Variants in TSPAN18 observed in about 807,000 individuals in gnomAD.
TSPAN18 encodes tetraspanin-18.
A neutral mutation model predicts 27.3 loss-of-function variants in TSPAN18; 14 were observed. The observed-to-expected ratio is 0.51, with a 90% CI of 0.34 to 0.80. The LOEUF (loss-of-function observed/expected upper bound fraction) is 0.80. Ranked by LOEUF, TSPAN18 falls within the 30% of genes least tolerant of loss-of-function variation. The pLI is 0.01. For missense variants in TSPAN18, 268 were observed against 323.9 expected (o/e 0.83, Z 1.32); for synonymous variants, 143 against 136.5 (o/e 1.05, Z -0.33).
intron 9 of TSPAN18, among the ~76,000 whole-genome samples, chr11:44,927,185 C>T (rs1860391976): frequency 6.6e-6 from 1 of 152,242 alleles, no homozygotes; most frequent in Admixed American, 6.5e-5. Flanking sequence ...TATTCATCCA[C>T]AACGGTGGCC....
At chr11:44,790,588 G>A (rs566248029) in intron 2 of TSPAN18, among the ~76,000 whole-genome samples, 1 of 150,788 alleles carries the variant, frequency 6.6e-6, no homozygotes, top group Non-Finnish European at 1.5e-5. Flanking sequence ...GTGTGTGCAT[G>A]TGTTCGTGTG....
chr11:44,847,549 G>A (rs981974380), intron 2 of TSPAN18, among the ~76,000 whole-genome samples: 7 of 152,144 alleles, frequency 4.6e-5, no homozygotes, highest in African/African-American at 1.7e-4. Context: ...CCATTCATCT[G>A]TTGATGGGCC....
At chr11:44,777,096 G>A (rs569642099) in intron 2 of TSPAN18, among the ~76,000 whole-genome samples, 6 of 152,332 alleles carry the variant, frequency 3.9e-5, no homozygotes, top group Non-Finnish European at 7.4e-5. Context: ...GGACCTAGAT[G>A]GGAGACTTCT....
chr11:44,908,446 G>A (rs1859537226), intron 4 of TSPAN18, among the ~76,000 whole-genome samples: 1 of 152,070 alleles, frequency 6.6e-6, no homozygotes, highest in Non-Finnish European at 1.5e-5. Context: ...CAAGAAAAAT[G>A]GAATAGGCTG....
At position 44,807,222 on chromosome 11, in the gene TSPAN18, AAAAAAAAAAAAAAAG is replaced by A. The variant is rs1565158400; in HGVS notation, c.-153+42713_-153+42727del. On this transcript the variant is annotated intron_variant, in intron 2 of 9. Transcript: ENST00000520358. ...AAAAAAAAAAAAAAAAAAAAAAAAA[AAAAAAAAAAAAAAAG>A]AAGGAAAGAGGCCAGGCACCGTGGC... 1.4e-3 allele frequency among the ~76,000 whole-genome samples: 29 copies of A among 21,410 alleles called. 2 individuals are homozygous for A. Among genetic ancestry groups the A allele is most frequent in the Admixed American group, 3.6e-3 (4 of 1,104 alleles). 14.0% of individuals were successfully genotyped at this position (21,410 alleles called of 152,430 possible).
intron 3 of TSPAN18, among the ~76,000 whole-genome samples, chr11:44,901,609 A>G (rs1227830466): frequency 6.6e-6 from 1 of 152,230 alleles, no homozygotes; most frequent in Admixed American, 6.5e-5. Flanking sequence ...CATTTGACAC[A>G]AGAAGGCACT....
chr11:44,765,445 G>A (rs1396113374), intron 2 of TSPAN18, among the ~76,000 whole-genome samples: 1 of 152,178 alleles, frequency 6.6e-6, no homozygotes, highest in Admixed American at 6.5e-5. Flanking sequence ...AGGAACCTTG[G>A]TTTGAGTCCC....
At chr11:44,811,267 T>C (rs941457669) in intron 2 of TSPAN18, among the ~76,000 whole-genome samples, 1 of 152,144 alleles carries the variant, frequency 6.6e-6, no homozygotes, top group Non-Finnish European at 1.5e-5. Context: ...TTTATTCACA[T>C]AATCTGATGT....
chr11:44,823,610 A>G (rs12224607), intron 2 of TSPAN18, among the ~76,000 whole-genome samples: 75,059 of 151,908 alleles, frequency 0.49, 19,377 homozygotes, highest in East Asian at 0.86. Flanking sequence ...AGGAAAGCAC[A>G]CCAGACTGGA....
intron 2 of TSPAN18, among the ~76,000 whole-genome samples, chr11:44,844,632 C>T (rs1857443006): frequency 6.6e-6 from 1 of 152,136 alleles, no homozygotes; most frequent in Admixed American, 6.5e-5. Context: ...TGGATTGCTT[C>T]TTTTGGAAAG....
intron 3 of TSPAN18, among the ~76,000 whole-genome samples, chr11:44,905,662 G>A (rs987215733): frequency 2.0e-5 from 3 of 152,226 alleles, no homozygotes; most frequent in African/African-American, 7.2e-5. Context: ...GGCTGTGCCT[G>A]GCAAGCAGCG....
chr11:44,907,025 T>C (rs112608477), intron 4 of TSPAN18, among the ~76,000 whole-genome samples: 2 of 152,234 alleles, frequency 1.3e-5, no homozygotes, highest in African/African-American at 4.8e-5. Context: ...TTAATGACCT[T>C]CCTCAACAGG....
At chr11:44,893,485 A>G (rs1858926827) in intron 3 of TSPAN18, among the ~76,000 whole-genome samples, 1 of 152,196 alleles carries the variant, frequency 6.6e-6, no homozygotes, top group Admixed American at 6.5e-5. Flanking sequence ...CTGTCTTGGG[A>G]TGAGGCCCAG....
intron 1 of TSPAN18, among the ~76,000 whole-genome samples, chr11:44,761,847 G>A (rs928175304): frequency 7.9e-5 from 12 of 152,196 alleles, no homozygotes; most frequent in African/African-American, 1.2e-4. Flanking sequence ...AGGTAGGCCC[G>A]AGTTCCTCTG....
chr11:44,882,623 CACACAG>C lies in TSPAN18; in HGVS notation c.-11+22156_-11+22161del, dbSNP rs1258670746. Among the ~76,000 whole-genome samples, 168 of 128,150 alleles carry C rather than the reference CACACAG, an allele frequency of 1.3e-3. 1 individual carries two copies. Among genetic ancestry groups the C allele is most frequent in the African/African-American group, 4.4e-3 (158 of 35,676 alleles). The allele number at this position is 128,150 out of a possible 152,430, so 84.1% of individuals were successfully genotyped here. On this transcript the variant is annotated intron_variant, in intron 3 of 9. Coordinates refer to ENST00000520358, the MANE Select transcript of TSPAN18 (RefSeq NM_130783.5). ...ACACACACACACACACACACACACA[CACACAG>C]AGAGAGAGCATGTGCGTGCATGTAT...
chr11:44,908,830 A>AGAAG (rs6144332), intron 4 of TSPAN18, among the ~76,000 whole-genome samples: 1 of 127,084 alleles, frequency 7.9e-6, no homozygotes, highest in Non-Finnish European at 1.7e-5. Flanking sequence ...AAAGAAAGAA[A>AGAAG]AAGAAAAATG....
chr11:44,758,546 A>C (rs908661796), intron 1 of TSPAN18, among the ~76,000 whole-genome samples: 1 of 152,208 alleles, frequency 6.6e-6, no homozygotes, highest in Non-Finnish European at 1.5e-5. Context: ...TTTTGGTATA[A>C]GAGTAATGCT....
chr11:44,726,375 G>A (rs4755878), upstream of TSPAN18: 8,185 of 152,464 alleles, frequency 0.054, 521 homozygotes, highest in African/African-American at 0.16. Context: ...AAGAACCTCA[G>A]CCCTGAGGCC....
At chr11:44,729,661 C>T (rs1854604130) in intron 1 of TSPAN18, among the ~76,000 whole-genome samples, 1 of 152,158 alleles carries the variant, frequency 6.6e-6, no homozygotes, top group East Asian at 1.9e-4. Context: ...GGTAGCACAT[C>T]ATTGAAAGCT....
Sources: allele counts gnomAD v4.1 joint callset (sites outside exome capture counted in the v4.1 genomes callset), GRCh38; gene constraint gnomAD v4.1.1; transcripts MANE v1.5; gene names NCBI Gene and HGNC (gene_info 2026-07-23, HGNC 2026-07-21).